ITGBL1: variants seen among roughly 807,000 people sequenced by gnomAD.
The protein encoded by ITGBL1 is integrin beta-like protein 1.
Under a neutral mutation model 68.5 loss-of-function variants are expected in ITGBL1, and 51 were observed. That is an observed-to-expected ratio of 0.74 (90% CI 0.59 to 0.94). The LOEUF (loss-of-function observed/expected upper bound fraction) is 0.94. ITGBL1 is among the 40% of genes least tolerant of loss of function. The pLI is 0.00. For missense variants in ITGBL1, 649 were observed against 647.4 expected (o/e 1.00, Z -0.03); for synonymous variants, 209 against 227.3 (o/e 0.92, Z 0.72).
chr13:101,621,856 G>T (rs1156511404), intron 7 of ITGBL1, among the ~76,000 whole-genome samples: 2 of 152,120 alleles, frequency 1.3e-5, no homozygotes, highest in Admixed American at 1.3e-4. Flanking sequence ...AAGTATGGCT[G>T]ATTATCCCCA....
intron 7 of ITGBL1, among the ~76,000 whole-genome samples, chr13:101,606,675 G>T (rs2139356959): frequency 6.6e-6 from 1 of 152,094 alleles, no homozygotes; most frequent in East Asian, 1.9e-4. Context: ...TGAAAAATCT[G>T]CCATTGTCTC....
chr13:101,668,396 G>A (rs2033277041), intron 7 of ITGBL1, among the ~76,000 whole-genome samples: 1 of 151,926 alleles, frequency 6.6e-6, no homozygotes, highest in Admixed American at 6.6e-5. Flanking sequence ...TCAAAAAATA[G>A]GTAAAATAAA....
In ITGBL1 at chr13:101,629,720, C is replaced by T. The variant is rs536124008; in HGVS notation, c.1015+31421C>T. 7.2e-5 allele frequency among the ~76,000 whole-genome samples: 11 copies of T among 152,088 alleles called. No homozygotes were observed. In the East Asian group the frequency reaches 1.2e-3, roughly 16 times the overall value. On this transcript the variant is annotated intron_variant, in intron 7 of 10. Coordinates refer to ENST00000376180, the MANE Select transcript of ITGBL1 (RefSeq NM_004791.3). ...TGATATTTCCATTGAGTTGTATAAC[C>T]GTATTTATAGTGGTCCTTAAATCCG...
chr13:101,630,619 T>C (rs2031946149), intron 7 of ITGBL1, among the ~76,000 whole-genome samples: 1 of 152,236 alleles, frequency 6.6e-6, no homozygotes, highest in South Asian at 2.1e-4. Flanking sequence ...ATTGGATAGT[T>C]CTACATCTAT....
chr13:101,558,795 T>G (rs535747635), intron 2 of ITGBL1, among the ~76,000 whole-genome samples: 38 of 152,108 alleles, frequency 2.5e-4, no homozygotes, highest in Non-Finnish European at 4.7e-4. Flanking sequence ...CCAGAAAAAT[T>G]AAAAGATTAA....
intron 3 of ITGBL1, among the ~76,000 whole-genome samples, chr13:101,572,360 G>C (rs1020658525): frequency 6.6e-6 from 1 of 152,078 alleles, no homozygotes; most frequent in African/African-American, 2.4e-5. Context: ...TGTTCCAGAG[G>C]CTAACTTTGT....
chr13:101,520,436 C>A (rs944541209), intron 2 of ITGBL1, among the ~76,000 whole-genome samples: 3 of 151,914 alleles, frequency 2.0e-5, no homozygotes, highest in Non-Finnish European at 4.4e-5. Context: ...GTGATAGTAG[C>A]CAATGATAGA....
At chr13:101,667,458 C>T (rs2033249313) in intron 7 of ITGBL1, among the ~76,000 whole-genome samples, 1 of 150,802 alleles carries the variant, frequency 6.6e-6, no homozygotes, top group Admixed American at 6.7e-5. Flanking sequence ...AGGAATTAAT[C>T]CTTAATCTAA....
At chr13:101,591,732 T>C (rs556231600) in intron 6 of ITGBL1, among the ~76,000 whole-genome samples, 1 of 152,326 alleles carries the variant, frequency 6.6e-6, no homozygotes, top group Admixed American at 6.5e-5. Context: ...ACAGCATGCA[T>C]TTTCATCCAT....
intron 6 of ITGBL1, among the ~76,000 whole-genome samples, chr13:101,597,702 G>A (rs368323121): frequency 3.9e-5 from 6 of 152,040 alleles, no homozygotes; most frequent in South Asian, 2.1e-4. Flanking sequence ...ACAGGTGCAC[G>A]CCACCATGCC....
At position 101,681,966 on chromosome 13, in the gene ITGBL1, A is replaced by T. The variant is rs80200424; in HGVS notation, c.1016-10619A>T. Among the ~76,000 whole-genome samples, 1,463 of 152,332 alleles carry T rather than the reference A, an allele frequency of 9.6e-3. 15 individuals are homozygous for T. The highest frequency in any genetic ancestry group is 0.033 in the African/African-American group (1,377 of 41,570). On this transcript the variant is annotated intron_variant, in intron 7 of 10. Transcript: ENST00000376180. Reference sequence around the variant, plus strand: ...CAAATGTCAAACTTCACAATTTCACAATCTTTACCTTATACCAGTTTTAGA... The same window carrying T: ...CAAATGTCAAACTTCACAATTTCACTATCTTTACCTTATACCAGTTTTAGA...
intron 2 of ITGBL1, among the ~76,000 whole-genome samples, chr13:101,549,984 A>T (rs1423992979): frequency 1.3e-5 from 2 of 152,210 alleles, no homozygotes; most frequent in South Asian, 2.1e-4. Context: ...ATTTATGATG[A>T]TATAATTTGT....
intron 7 of ITGBL1, among the ~76,000 whole-genome samples, chr13:101,655,062 C>T (rs2032874662): frequency 6.6e-6 from 1 of 152,132 alleles, no homozygotes; most frequent in South Asian, 2.1e-4. Context: ...TGACGCATTT[C>T]CTTTTGGTGG....
chr13:101,505,587 T>C lies in ITGBL1; in HGVS notation c.316+51487T>C, dbSNP rs964192573. 4.6e-5 allele frequency among the ~76,000 whole-genome samples: 7 copies of C among 152,324 alleles called. No individual in the cohort carries two copies. The East Asian group carries it at 1.3e-3, about 29-fold the overall frequency. ...CATTTATTGTCTTATTCAATCTTTA[T>C]TGATTGCTTCAGTGTATGCCATGCA... On this transcript the variant is annotated intron_variant, in intron 2 of 10. Transcript: ENST00000376180.
chr13:101,480,453 C>CT (rs1185824392), intron 2 of ITGBL1, among the ~76,000 whole-genome samples: 1 of 151,582 alleles, frequency 6.6e-6, no homozygotes, highest in African/African-American at 2.4e-5. Context: ...AACACAAATA[C>CT]TAGATGAATG....
intron 2 of ITGBL1, among the ~76,000 whole-genome samples, chr13:101,546,504 A>G (rs976617865): frequency 6.6e-6 from 1 of 152,202 alleles, no homozygotes; most frequent in Non-Finnish European, 1.5e-5. Flanking sequence ...GAAAACAAAC[A>G]AAAATGATAG....
chr13:101,507,052 C>G (rs917998910), intron 2 of ITGBL1, among the ~76,000 whole-genome samples: 2 of 152,108 alleles, frequency 1.3e-5, no homozygotes, highest in African/African-American at 2.4e-5. Flanking sequence ...GTGAAGAAGA[C>G]ATTTGGGAGA....
At position 101,625,195 on chromosome 13, in the gene ITGBL1, GAAAT is replaced by G. The variant is rs933868557; in HGVS notation, c.1015+26899_1015+26902del. On this transcript the variant is annotated intron_variant, in intron 7 of 10. Coordinates refer to ENST00000376180, the MANE Select transcript of ITGBL1 (RefSeq NM_004791.3). ...GGAGCACTGGTGTCACAAAGTGACAGAAATAAGCCCAGTGACAGCAGCCCTGCTG... is the reference window on the plus strand; with the variant it reads ...GGAGCACTGGTGTCACAAAGTGACAGAAGCCCAGTGACAGCAGCCCTGCTG... Among the ~76,000 whole-genome samples the G allele has an allele frequency of 5.5e-4, 84 of 152,332 alleles. 1 individual carries two copies. The highest frequency in any genetic ancestry group is 2.0e-3 in the African/African-American group (82 of 41,588).
At chr13:101,661,398 C>T (rs145498286) in intron 7 of ITGBL1, among the ~76,000 whole-genome samples, 8 of 152,254 alleles carry the variant, frequency 5.3e-5, no homozygotes, top group Admixed American at 2.0e-4. Context: ...ACCTACTCCC[C>T]GGCTTACTCA....
Sources: gnomAD v4.1 joint callset for allele counts (sites outside exome capture counted in the v4.1 genomes callset) on GRCh38, gnomAD v4.1.1 for gene constraint, MANE v1.5 for transcripts, NCBI Gene and HGNC (gene_info 2026-07-23, HGNC 2026-07-21) for gene names.